Variants in TNFRSF8 observed in about 807,000 individuals in gnomAD.
TNFRSF8 encodes the protein tumor necrosis factor receptor superfamily member 8.
TNFRSF8 carries 26 observed loss-of-function variants against 70.8 expected under a neutral mutation model. The observed-to-expected ratio is 0.37, with a 90% confidence interval of 0.27 to 0.51. The LOEUF (loss-of-function observed/expected upper bound fraction) is 0.51. Among genes scored for constraint, TNFRSF8 ranks in the 20% least tolerant of loss-of-function variants. TNFRSF8 has a pLI of 0.94. For synonymous variants in TNFRSF8, 356 were observed against 339.2 expected (o/e 1.05, Z -0.54); for missense variants, 720 against 807.9 (o/e 0.89, Z 1.32).
At chr1:12,070,036 G>A (rs1640814854) in intron 1 of TNFRSF8, among the ~76,000 whole-genome samples, 1 of 152,152 alleles carries the variant, frequency 6.6e-6, no homozygotes, top group South Asian at 2.1e-4. Flanking sequence ...GTGGTTAGGA[G>A]AAGGTGGCAG....
intron 12 of TNFRSF8, among the ~76,000 whole-genome samples, chr1:12,126,486 TG>T (rs2101030778): frequency 6.6e-6 from 1 of 152,334 alleles, no homozygotes; most frequent in African/African-American, 2.4e-5. Flanking sequence ...AGCACCTGGA[TG>T]GATGCTGGCA....
Position 12,138,344 on chromosome 1 carries a change from C to CTGGAGA in TNFRSF8, c.1451_1452insTGGAGA (p.Pro484_Leu485insGlyGlu). 1 of 1,613,738 alleles carries CTGGAGA rather than the reference C, an allele frequency of 6.2e-7. No homozygotes were observed. Among genetic ancestry groups the CTGGAGA allele is most frequent in the Non-Finnish European group, 8.5e-7 (1 of 1,179,942 alleles). Reference sequence around the variant, plus strand: ...GGGGCAGCCTACCTGGAGAGCCTGCCGCTGCAGGATGCCAGCCCGGCCGGG... The same window carrying CTGGAGA: ...GGGGCAGCCTACCTGGAGAGCCTGCCTGGAGAGCTGCAGGATGCCAGCCCGGCCGGG... On this transcript the variant is annotated inframe_insertion, in exon 14 of 15. Coordinates refer to ENST00000263932, the MANE Select transcript of TNFRSF8 (RefSeq NM_001243.5). This position sits in a 1 kb window ranked among gnomAD's most constrained non-coding sequence, Gnocchi z 5.7.
At chr1:12,093,283 C>G (rs1641276428) in intron 2 of TNFRSF8, among the ~76,000 whole-genome samples, 2 of 152,020 alleles carry the variant, frequency 1.3e-5, no homozygotes, top group African/African-American at 2.4e-5. Context: ...TAATCCATAC[C>G]AACATTCAGG....
intron 1 of TNFRSF8, among the ~76,000 whole-genome samples, chr1:12,083,723 A>T (rs1641104271): frequency 6.6e-6 from 1 of 152,172 alleles, no homozygotes; most frequent in South Asian, 2.1e-4. Flanking sequence ...TAGACAAATA[A>T]ATTGTGCATA....
rs1334762328 is a variant in TNFRSF8 at position 12,119,368 on chromosome 1, C to T, written c.946+3639C>T. ...CCCCACAGTGGCAGCCTCAATTTCT[C>T]TGTGCACCTGACCAGAAGCATAGAC... is the stretch of plus-strand genomic sequence containing the variant. On this transcript the variant is annotated intron_variant, in intron 8 of 14. Coordinates refer to ENST00000263932, the MANE Select transcript of TNFRSF8 (RefSeq NM_001243.5). The surrounding 1 kb of genome is among the most constrained non-coding windows in gnomAD (Gnocchi z 4.4). Among the ~76,000 whole-genome samples, 3 of 152,184 alleles carry T rather than the reference C, an allele frequency of 2.0e-5. No homozygotes were observed. The highest frequency in any genetic ancestry group is 4.4e-5 in the Non-Finnish European group (3 of 68,032).
intron 3 of TNFRSF8, among the ~76,000 whole-genome samples, chr1:12,098,161 C>T (rs1427386813): frequency 6.6e-6 from 1 of 152,072 alleles, no homozygotes; most frequent in African/African-American, 2.4e-5. Context: ...TGCCTTTTCC[C>T]TTAATTTCAC....
intron 2 of TNFRSF8, among the ~76,000 whole-genome samples, chr1:12,096,482 TTA>T (rs996265068): frequency 1.3e-5 from 2 of 151,900 alleles, no homozygotes; most frequent in Non-Finnish European, 2.9e-5. Context: ...TTAAGAAAGT[TTA>T]TGAGTTTGCG....
chr1:12,097,061 A>T, intron 2 of TNFRSF8, 40 bp from the exon 3 acceptor site: 2 of 1,563,172 alleles, frequency 1.3e-6, no homozygotes, highest in Non-Finnish European at 1.8e-6. Context: ...GGCCTTTGCT[A>T]AGTCAGCCTG....
chr1:12,079,992 A>G (rs1208334795), intron 1 of TNFRSF8, among the ~76,000 whole-genome samples: 2 of 141,546 alleles, frequency 1.4e-5, no homozygotes, highest in Non-Finnish European at 3.0e-5. Flanking sequence ...TCTGTTGCTC[A>G]TGCTGGAGTG....
intron 10 of TNFRSF8, among the ~76,000 whole-genome samples, chr1:12,125,515 C>G (rs1298800089): frequency 6.6e-6 from 1 of 152,178 alleles, no homozygotes; most frequent in Admixed American, 6.5e-5. Flanking sequence ...CATGCCTGCC[C>G]TCATCAAGCA....
Position 12,115,651 on chromosome 1 carries a change from G to A in TNFRSF8, c.868G>A (p.Ala290Thr). ...CGAATGTCGACCTGGCATGATCTGT[G>A]CCACATCAGCCACCAACTCCTGTGC... ...TCECRPGMIC[A>T]TSATNSCARC... is the part of the protein sequence containing the mutation. Residue 290 changes from alanine (A) to threonine (T), a missense_variant, in exon 8 of 15, where the codon GCC becomes ACC. Coordinates refer to ENST00000263932, the MANE Select transcript of TNFRSF8 (RefSeq NM_001243.5). The A allele has an allele frequency of 6.2e-7, 1 of 1,614,182 alleles. No individual in the cohort carries two copies.
At position 12,138,862 on chromosome 1, in the gene TNFRSF8, G is replaced by A. The variant is rs531195617; in HGVS notation, c.1543+426G>A. ...GTCTTTCTCCCCATTTTACAGTTGG[G>A]GAGACCGTGGCTCAGAGGGTGAAGT... On this transcript the variant is annotated intron_variant, in intron 14 of 14. Coordinates refer to ENST00000263932, the MANE Select transcript of TNFRSF8 (RefSeq NM_001243.5). The surrounding 1 kb of genome is among the most constrained non-coding windows in gnomAD (Gnocchi z 5.7). Among the ~76,000 whole-genome samples the A allele has an allele frequency of 4.1e-5, 6 of 145,594 alleles. No homozygotes were observed. Among genetic ancestry groups the A allele is most frequent in the South Asian group, 4.3e-4 (2 of 4,652 alleles).
At chr1:12,100,690 C>T (rs1641407197) in intron 3 of TNFRSF8, among the ~76,000 whole-genome samples, 1 of 152,180 alleles carries the variant, frequency 6.6e-6, no homozygotes, top group Non-Finnish European at 1.5e-5. Flanking sequence ...CGTGCAGTGA[C>T]TCACACCTGT....
chr1:12,131,406 C>T (rs1642044737), intron 12 of TNFRSF8, among the ~76,000 whole-genome samples: 1 of 152,184 alleles, frequency 6.6e-6, no homozygotes, highest in Non-Finnish European at 1.5e-5. Context: ...GCTGAGATTG[C>T]ACCACTGCAC....
Position 12,110,722 on chromosome 1 carries a change from C to T in TNFRSF8, c.676+518C>T, listed in dbSNP as rs1483351945. Among the ~76,000 whole-genome samples the T allele has an allele frequency of 6.6e-6, 1 of 152,180 alleles. No individual in the cohort carries two copies. Among genetic ancestry groups the T allele is most frequent in the Non-Finnish European group, 1.5e-5 (1 of 68,036 alleles). On this transcript the variant is annotated intron_variant, in intron 6 of 14. Transcript: ENST00000263932. This position sits in a 1 kb window ranked among gnomAD's most constrained non-coding sequence, Gnocchi z 4.0. ...CAAGCGATTCTCCTGCCTCAGCCTC[C>T]TGAGTAGCTGGGATTACAGGTGCCC...
At chr1:12,075,361 C>T (rs559800751) in intron 1 of TNFRSF8, among the ~76,000 whole-genome samples, 17 of 152,002 alleles carry the variant, frequency 1.1e-4, no homozygotes, top group South Asian at 4.1e-4. Flanking sequence ...GCTGGGATTA[C>T]GGGTGTGAAC....
intron 4 of TNFRSF8, among the ~76,000 whole-genome samples, chr1:12,105,391 A>T (rs1641501805): frequency 6.6e-6 from 1 of 151,712 alleles, no homozygotes; most frequent in Non-Finnish European, 1.5e-5. Context: ...CATCCTTCAC[A>T]GCCAGCCCAT....
In TNFRSF8 at chr1:12,090,267, A is replaced by C. The variant is rs1168357471; in HGVS notation, c.151+5716A>C. On this transcript the variant is annotated intron_variant, in intron 2 of 14. Coordinates refer to ENST00000263932, the MANE Select transcript of TNFRSF8 (RefSeq NM_001243.5). ...CATCTATCTACCCATCCAACCATCT[A>C]CCCACTCATCCACTCTTCCCTAACC... 2.8e-5 allele frequency among the ~76,000 whole-genome samples: 4 copies of C among 143,762 alleles called. No individual in the cohort carries two copies. The East Asian group carries it at 8.5e-4, about 31-fold the overall frequency. 94.3% of individuals were successfully genotyped at this position (143,762 alleles called of 152,430 possible).
Position 12,109,314 on chromosome 1 carries a change from C to T in TNFRSF8, c.422-252C>T, listed in dbSNP as rs1641583112. On this transcript the variant is annotated intron_variant, in intron 4 of 14. Coordinates refer to ENST00000263932, the MANE Select transcript of TNFRSF8 (RefSeq NM_001243.5). The surrounding 1 kb of genome is among the most constrained non-coding windows in gnomAD (Gnocchi z 4.4). ...GGTCCAGCCTGGTCTCATGGCCACT[C>T]GGGAAAGGGGGTTCAGTCGGTCCCA... 2.0e-5 allele frequency among the ~76,000 whole-genome samples: 3 copies of T among 152,110 alleles called. No individual in the cohort carries two copies. The highest frequency in any genetic ancestry group is 2.4e-5 in the African/African-American group (1 of 41,412).
Sources: gnomAD v4.1 joint callset for allele counts (sites outside exome capture counted in the v4.1 genomes callset) on GRCh38, gnomAD v4.1.1 for gene constraint, Gnocchi (gnomAD v3.1) non-coding constraint, MANE v1.5 for transcripts, NCBI Gene and HGNC (gene_info 2026-07-23, HGNC 2026-07-21) for gene names.